FAM13C: variants seen among roughly 807,000 people sequenced by gnomAD.
FAM13C encodes protein FAM13C.
In FAM13C, 37 loss-of-function variants were observed where a neutral mutation model predicts 73.2. The ratio of observed to expected loss-of-function variants is 0.51; its 90% CI spans 0.39 to 0.67. The LOEUF (loss-of-function observed/expected upper bound fraction) is 0.67. FAM13C is among the 30% of genes least tolerant of loss of function. The pLI is 0.00. For missense variants in FAM13C, 589 were observed against 715.6 expected, an observed-to-expected ratio of 0.82 and a Z score of 2.02; for synonymous variants, 246 against 260.9, an observed-to-expected ratio of 0.94 and a Z score of 0.55.
chr10:59,270,778 C>T (rs1190311347), intron 6 of FAM13C, among the ~76,000 whole-genome samples: 1 of 152,140 alleles, frequency 6.6e-6, no homozygotes, highest in Non-Finnish European at 1.5e-5. Context: ...ATAGCAACTA[C>T]AAAGCATGGT....
chr10:59,361,468 T>C (rs554722078), intron 1 of FAM13C, among the ~76,000 whole-genome samples: 1 of 152,158 alleles, frequency 6.6e-6, no homozygotes, highest in Non-Finnish European at 1.5e-5. Context: ...ACTCATAACA[T>C]TTTTTAAATG....
chr10:59,283,242 T>C, intron 6 of FAM13C, 121 bp downstream of exon 6: 1 of 1,020,592 alleles, frequency 9.8e-7, no homozygotes, highest in Non-Finnish European at 1.5e-6. Flanking sequence ...AAGCACCTCT[T>C]GGGCTTTCAT....
chr10:59,270,205 G>C (rs1359467108), intron 6 of FAM13C, 96 bp from the exon 7 acceptor site: 1 of 1,216,300 alleles, frequency 8.2e-7, no homozygotes, highest in Admixed American at 2.6e-5. Context: ...CATTATAATG[G>C]CTTGCCTCTT....
chr10:59,362,723 G>T (rs1856559359), upstream of FAM13C: 1 of 640,696 alleles, frequency 1.6e-6, no homozygotes, highest in Non-Finnish European at 2.5e-6. Context: ...GGGATCCAGC[G>T]AGGAGCACCT....
Position 59,352,471 on chromosome 10 carries a change from A to G in FAM13C, c.123T>C (p.Asp41=), listed in dbSNP as rs775590712. 1.2e-6 allele frequency: 2 copies of G among 1,603,696 alleles called. No homozygotes were observed. The highest frequency in any genetic ancestry group is 1.7e-6 in the Non-Finnish European group (2 of 1,175,590). The change falls in exon 3 of 14, where the codon GAT becomes GAC. Residue 41 remains aspartate, a synonymous_variant. Coordinates refer to ENST00000618804, the MANE Select transcript of FAM13C (RefSeq NM_198215.4). ...CGGGGTAGTTCTCTTTATTGTTTTCATCTCTAAAACAGGAAAGACCCAATT... is the reference window on the plus strand; with the variant it reads ...CGGGGTAGTTCTCTTTATTGTTTTCGTCTCTAAAACAGGAAAGACCCAATT... The part of the protein sequence containing the change: ...EDQTDCSSLR[D]ENNKENYPDA...
At chr10:59,256,909 C>A (rs1049209599) in intron 10 of FAM13C, among the ~76,000 whole-genome samples, 2 of 152,176 alleles carry the variant, frequency 1.3e-5, no homozygotes, top group Non-Finnish European at 2.9e-5. Flanking sequence ...TGAAGTACAT[C>A]CTCCTTCCTC....
intron 1 of FAM13C, among the ~76,000 whole-genome samples, chr10:59,359,545 T>G (rs572119260): frequency 6.6e-6 from 1 of 152,360 alleles, no homozygotes; most frequent in Non-Finnish European, 1.5e-5. Flanking sequence ...TCTCAAAATG[T>G]GGCCCCTTGC....
Position 59,262,619 on chromosome 10 carries a change from G to A in FAM13C, c.1051C>T (p.Gln351Ter). 6.2e-7 allele frequency: 1 copy of A among 1,613,658 alleles called. No individual in the cohort carries two copies. Among genetic ancestry groups the A allele is most frequent in the Non-Finnish European group, 8.5e-7 (1 of 1,179,688 alleles). The change falls in exon 10 of 14, where the codon CAA becomes TAA. Residue 351 changes from glutamine to a stop codon, truncating the protein, a stop_gained. Coordinates refer to ENST00000618804, the MANE Select transcript of FAM13C (RefSeq NM_198215.4). LOFTEE classifies it high-confidence loss of function. ...KELKLKLSEEQGSAPKGPPRN... is the reference protein window; with the variant it reads ...KELKLKLSEE ...GGTGGACCTTTGGGAGCACTCCCTT[G>A]TTCTTCTGACAGCTTTAGCTTTAGT...
At position 59,362,503 on chromosome 10, in the gene FAM13C, G is replaced by A. The variant is rs761299393; in HGVS notation, c.-43C>T. 2.7e-5 allele frequency: 43 copies of A among 1,603,672 alleles called. No individual in the cohort carries two copies. In the South Asian group the frequency reaches 4.1e-4, roughly 15 times the overall value. The stretch of plus-strand genomic sequence containing the variant: ...GGAGCCGTCTCCCTGATTGCTCTCC[G>A]GGAGTTAGAGCACATACACAAACAT... On this transcript the variant is annotated 5_prime_UTR_variant, in exon 1 of 14. Coordinates refer to ENST00000618804, the MANE Select transcript of FAM13C (RefSeq NM_198215.4).
At position 59,270,217 on chromosome 10, in the gene FAM13C, G is replaced by T. The variant is rs928311040; in HGVS notation, c.593-108C>A. ...ATTCATTATAATGGCTTGCCTCTTT[G>T]TCATTTCTTCCTTCTGGGGATATGA... On this transcript the variant is annotated intron_variant, in intron 6 of 13. Coordinates refer to ENST00000618804, the MANE Select transcript of FAM13C (RefSeq NM_198215.4). 2.0e-4 allele frequency: 216 copies of T among 1,071,352 alleles called. 1 individual carries two copies. In the African/African-American group the frequency reaches 3.0e-3, roughly 15 times the overall value. 66.4% of individuals were successfully genotyped at this position (1,071,352 alleles called of 1,614,324 possible). A position where few individuals can be genotyped will look rare whatever the true frequency, so the allele number is the denominator to read the frequency against.
intron 1 of FAM13C, among the ~76,000 whole-genome samples, chr10:59,358,932 T>TTACAACC (rs1856050787): frequency 6.6e-6 from 1 of 152,212 alleles, no homozygotes; most frequent in Non-Finnish European, 1.5e-5. Context: ...TGGCACATGT[T>TTACAACC]TACAACCTCT....
intron 10 of FAM13C, among the ~76,000 whole-genome samples, chr10:59,255,058 A>G (rs1841820953): frequency 6.6e-6 from 1 of 152,162 alleles, no homozygotes; most frequent in South Asian, 2.1e-4. Context: ...TAAAAAACCA[A>G]TCCAGACATT....
chr10:59,259,377 C>CAT (rs1842256877), intron 10 of FAM13C, among the ~76,000 whole-genome samples: 1 of 152,042 alleles, frequency 6.6e-6, no homozygotes, highest in African/African-American at 2.4e-5. Context: ...AGATGAAAGC[C>CAT]ATATGTCTCT....
chr10:59,320,303 T>A (rs192318446), intron 4 of FAM13C, among the ~76,000 whole-genome samples: 111 of 152,272 alleles, frequency 7.3e-4, no homozygotes, highest in African/African-American at 2.6e-3. Flanking sequence ...CCACACCAGA[T>A]ACACCTGTAG....
chr10:59,301,405 G>A (rs1441486237), intron 5 of FAM13C, among the ~76,000 whole-genome samples: 15 of 152,208 alleles, frequency 9.9e-5, no homozygotes, highest in Non-Finnish European at 1.5e-4. Context: ...GGCAATCAGC[G>A]CAGTGAGCTG....
chr10:59,351,329 C>T (rs1308235780), intron 3 of FAM13C, among the ~76,000 whole-genome samples: 1 of 18,860 alleles, frequency 5.3e-5, no homozygotes, highest in Non-Finnish European at 1.3e-4. Flanking sequence ...GAGACCCTGT[C>T]TCAAAAAAAA....
intron 3 of FAM13C, among the ~76,000 whole-genome samples, chr10:59,329,893 A>C (rs575680401): frequency 6.6e-6 from 1 of 152,288 alleles, no homozygotes; most frequent in Non-Finnish European, 1.5e-5. Context: ...CCCCAGTGAG[A>C]AAAATGAAGT....
chr10:59,336,665 G>A (rs1354134935), intron 3 of FAM13C, among the ~76,000 whole-genome samples: 6 of 152,188 alleles, frequency 3.9e-5, no homozygotes, highest in African/African-American at 1.4e-4. Context: ...TCCCTCCAAT[G>A]GGAAATTCTC....
In FAM13C at chr10:59,321,431, C is replaced by CTTTTTTTTTTTTTTT. The variant is rs1850255076; in HGVS notation, c.443+2556_443+2557insAAAAAAAAAAAAAAA. Among the ~76,000 whole-genome samples the CTTTTTTTTTTTTTTT allele has an allele frequency of 1.8e-5, 2 of 109,856 alleles. 1 individual carries two copies. 72.1% of individuals were successfully genotyped at this position (109,856 alleles called of 152,430 possible). A position where few individuals can be genotyped will look rare whatever the true frequency, so the allele number is the denominator to read the frequency against. On this transcript the variant is annotated intron_variant, in intron 4 of 13. Transcript: ENST00000618804. ...AGAAAGGAATGGAGCCCTGCCAACA[C>CTTTTTTTTTTTTTTT]CTTTTTTTTTTTTTTTTTTTTTTTT...
Sources: allele counts gnomAD v4.1 joint callset (sites outside exome capture counted in the v4.1 genomes callset), GRCh38; gene constraint gnomAD v4.1.1; transcripts MANE v1.5; gene names NCBI Gene and HGNC (gene_info 2026-07-23, HGNC 2026-07-21).